The following EPB41L5 variants were observed in gnomAD, a reference collection of about 807,000 sequenced individuals.
The protein encoded by EPB41L5 is band 4.1-like protein 5.
A neutral mutation model predicts 106.6 loss-of-function variants in EPB41L5; 55 were observed. That is an observed-to-expected ratio of 0.52 (90% CI 0.42 to 0.65). The LOEUF is 0.65. Among genes scored for constraint, EPB41L5 ranks in the 30% least tolerant of loss-of-function variants. EPB41L5 has a pLI of 0.00. For synonymous variants in EPB41L5, 297 were observed against 306.7 expected (o/e 0.97, Z 0.33); for missense variants, 871 against 882.1 (o/e 0.99, Z 0.16).
At position 120,087,872 on chromosome 2, in the gene EPB41L5, T is replaced by G. The variant is rs1018153908; in HGVS notation, c.873+632T>G. On this transcript the variant is annotated intron_variant, in intron 11 of 24. Coordinates refer to ENST00000263713, the MANE Select transcript of EPB41L5 (RefSeq NM_020909.4). ...GAATTAAAGATTACCTTTGTATCAG[T>G]TACAGTGTGGTTCTTAATTGATACA... Among the ~76,000 whole-genome samples, 3 of 152,200 alleles carry G rather than the reference T, an allele frequency of 2.0e-5. 1 individual carries two copies. The highest frequency in any genetic ancestry group is 7.2e-5 in the African/African-American group (3 of 41,448).
Position 120,100,740 on chromosome 2 carries a change from T to A in EPB41L5, c.1263T>A (p.Ile421=). 6.2e-7 allele frequency: 1 copy of A among 1,613,960 alleles called. No homozygotes were observed. The highest frequency in any genetic ancestry group is 8.5e-7 in the Non-Finnish European group (1 of 1,179,914). ...MRSALPVSPS[I]SSAPVPVEIE... Reference sequence around the variant, plus strand: ...CTGCTCTGCCTGTGAGTCCTTCCATTTCCTCTGCTCCTGTGCCAGTGGAGA... The same window carrying A: ...CTGCTCTGCCTGTGAGTCCTTCCATATCCTCTGCTCCTGTGCCAGTGGAGA... Residue 421 remains isoleucine (I), a synonymous_variant, in exon 16 of 25, where the codon ATT becomes ATA. Transcript: ENST00000263713.
chr2:120,168,065 A>T, intron 24 of EPB41L5, 58 bp downstream of exon 24: 1 of 1,576,522 alleles, frequency 6.3e-7, no homozygotes, highest in Non-Finnish European at 8.7e-7. Context: ...GAAAAAAATA[A>T]TAAAACTTAT....
intron 10 of EPB41L5, among the ~76,000 whole-genome samples, chr2:120,081,568 C>G (rs1261632761): frequency 2.0e-5 from 3 of 152,108 alleles, no homozygotes; most frequent in Non-Finnish European, 2.9e-5. Context: ...GTTCTTTTTG[C>G]TTAGGATTGT....
At chr2:120,134,519 C>G (rs1456556682) in intron 18 of EPB41L5, among the ~76,000 whole-genome samples, 1 of 152,214 alleles carries the variant, frequency 6.6e-6, no homozygotes, top group Non-Finnish European at 1.5e-5. Context: ...ACTGGCAGGT[C>G]TGACTCAGCA....
In EPB41L5 at chr2:120,100,294, A is replaced by T. The variant is rs935143042; in HGVS notation, c.1221+8A>T. The T allele has an allele frequency of 5.6e-6, 9 of 1,612,098 alleles. No individual in the cohort carries two copies. The African/African-American group carries it at 1.1e-4, about 19-fold the overall frequency. On this transcript the variant is annotated splice_region_variant and intron_variant, in intron 15 of 24. Coordinates refer to ENST00000263713, the MANE Select transcript of EPB41L5 (RefSeq NM_020909.4). ...AGTAATGGCTCCCAACAGGTAAGAC[A>T]ATACTAAGCTTCTAAAACACTGGAT... is the stretch of plus-strand genomic sequence containing the variant.
intron 18 of EPB41L5, among the ~76,000 whole-genome samples, chr2:120,137,203 C>T (rs1330952176): frequency 2.2e-4 from 33 of 151,852 alleles, no homozygotes; most frequent in Admixed American, 1.9e-3. Flanking sequence ...TAAAATCTAT[C>T]GATACAGCGA....
At chr2:120,171,086 T>A (rs893556655) in intron 24 of EPB41L5, among the ~76,000 whole-genome samples, 2 of 152,234 alleles carry the variant, frequency 1.3e-5, no homozygotes, top group African/African-American at 4.8e-5. Flanking sequence ...TGTGTGATAC[T>A]GTGTTTCAAA....
At position 120,073,171 on chromosome 2, in the gene EPB41L5, T is replaced by G. The variant is rs1316107158; in HGVS notation, c.286-7T>G. The G allele has an allele frequency of 6.2e-7, 1 of 1,600,848 alleles. No individual in the cohort carries two copies. The highest frequency in any genetic ancestry group is 2.2e-5 in the East Asian group (1 of 44,652). The stretch of plus-strand genomic sequence containing the variant: ...TGCTTAACTAAATTTTTGTTTTTGT[T>G]TTTCAGCATTGGTTGGATGGTACAA... On this transcript the variant is annotated splice_region_variant and splice_polypyrimidine_tract_variant and intron_variant, in intron 3 of 24. Transcript: ENST00000263713.
intron 5 of EPB41L5, 56 bp downstream of exon 5, chr2:120,074,234 T>C: frequency 1.5e-6 from 2 of 1,349,680 alleles, no homozygotes; most frequent in Middle Eastern, 1.8e-4. Flanking sequence ...TGAAAGACTG[T>C]CTTTATATTG....
At chr2:120,038,680 G>A (rs1448267171) in intron 2 of EPB41L5, among the ~76,000 whole-genome samples, 4 of 152,202 alleles carry the variant, frequency 2.6e-5, no homozygotes, top group African/African-American at 4.8e-5. Flanking sequence ...CTTGAAACCC[G>A]GGGGTGGAGA....
intron 2 of EPB41L5, among the ~76,000 whole-genome samples, chr2:120,020,062 C>G (rs899508612): frequency 6.6e-6 from 1 of 152,092 alleles, no homozygotes; most frequent in Non-Finnish European, 1.5e-5. Context: ...GAATATTTTT[C>G]TGAGTTGCTT....
At chr2:120,021,142 A>C (rs912192115) in intron 2 of EPB41L5, among the ~76,000 whole-genome samples, 19 of 151,716 alleles carry the variant, frequency 1.3e-4, no homozygotes, top group Non-Finnish European at 2.2e-4. Context: ...GGAGTTCGAG[A>C]CCAGCCTGGC....
chr2:120,138,607 C>T (rs907461587), intron 18 of EPB41L5, among the ~76,000 whole-genome samples: 1 of 151,604 alleles, frequency 6.6e-6, no homozygotes, highest in African/African-American at 2.4e-5. Context: ...AAATGAAATA[C>T]CTAAGAATAA....
chr2:120,068,494 G>A (rs1253627426), intron 3 of EPB41L5, among the ~76,000 whole-genome samples: 2 of 152,312 alleles, frequency 1.3e-5, no homozygotes, highest in South Asian at 2.1e-4. Context: ...GTCTGAAGCC[G>A]ACCTGGGACG....
intron 14 of EPB41L5, 48 bp downstream of exon 14, chr2:120,093,324 A>G (rs1436861681): frequency 6.1e-6 from 9 of 1,479,922 alleles, no homozygotes; most frequent in Non-Finnish European, 7.6e-6. Flanking sequence ...TTTGGGATTT[A>G]TGTAGTTGCT....
chr2:120,143,180 A>C, intron 19 of EPB41L5, 49 bp downstream of exon 19: 1 of 1,491,072 alleles, frequency 6.7e-7, no homozygotes, highest in Admixed American at 2.4e-5. Flanking sequence ...TGAGCATGGG[A>C]TGTAGAGAGT....
intron 11 of EPB41L5, among the ~76,000 whole-genome samples, chr2:120,089,180 AAAGT>A (rs1683250737): frequency 6.6e-6 from 1 of 152,126 alleles, no homozygotes; most frequent in Non-Finnish European, 1.5e-5. Context: ...AATAACCTGA[AAAGT>A]ACCAAAAATT....
rs1687918207 is a variant in EPB41L5 at position 120,176,370 on chromosome 2, C to T, written c.*1463C>T. 6.6e-6 allele frequency: 1 copy of T among 152,208 alleles called. No homozygotes were observed. Among genetic ancestry groups the T allele is most frequent in the Non-Finnish European group, 1.5e-5 (1 of 68,034 alleles). The allele number at this position is 152,208 out of a possible 1,614,324, so 9.4% of individuals were successfully genotyped here. ...TGCTTAGCATAAAAGAACATCCAGT[C>T]TTAGATCCTTAAAACTTCATGGATT... On this transcript the variant is annotated 3_prime_UTR_variant, in exon 25 of 25. Transcript: ENST00000263713.
At chr2:120,174,759 C>CT (rs1687859572) in intron 24 of EPB41L5, 82 bp from the exon 25 acceptor site, 9 of 1,177,746 alleles carry the variant, frequency 7.6e-6, no homozygotes, top group Non-Finnish European at 1.1e-5. Flanking sequence ...TCAAAATGCT[C>CT]TGTGTGGCAC....
Sources: gnomAD v4.1 joint callset for allele counts (sites outside exome capture counted in the v4.1 genomes callset) on GRCh38, gnomAD v4.1.1 for gene constraint, MANE v1.5 for transcripts, NCBI Gene and HGNC (gene_info 2026-07-23, HGNC 2026-07-21) for gene names.